The following INSL6 variants were observed in gnomAD, a reference collection of about 807,000 sequenced individuals.
INSL6 encodes insulin-like peptide INSL6.
A neutral mutation model predicts 9.4 loss-of-function variants in INSL6; 16 were observed. The observed-to-expected ratio is 1.70, with a 90% confidence interval of 1.15 to 2.59. The LOEUF (loss-of-function observed/expected upper bound fraction) is 2.59, where lower values mean the gene tolerates loss of function less well. Ranked by LOEUF, INSL6 falls within the 30% of genes most tolerant of loss-of-function variation. The pLI is 0.00. For synonymous variants in INSL6, 154 were observed against 96.9 expected (o/e 1.59, Z -3.46); for missense variants, 391 against 257.3 (o/e 1.52, Z -3.56).
At chr9:5,169,889 A>T (rs1825139903) in intron 1 of INSL6, among the ~76,000 whole-genome samples, 1 of 152,222 alleles carries the variant, frequency 6.6e-6, no homozygotes, top group Non-Finnish European at 1.5e-5. Flanking sequence ...ACCTACGAAG[A>T]GACTTAAGAC....
chr9:5,036,096 CAG>C, the INSL6 span, among the ~76,000 whole-genome samples: 1 of 152,172 alleles, frequency 6.6e-6, no homozygotes, highest in Non-Finnish European at 1.5e-5. Flanking sequence ...AACAGACAAA[CAG>C]AGAGCCAAAT....
the INSL6 span, among the ~76,000 whole-genome samples, chr9:5,021,500 C>T: frequency 6.6e-6 from 1 of 152,156 alleles, no homozygotes; most frequent in South Asian, 2.1e-4. Context: ...TTGCATTGTG[C>T]TTTGTATGTA....
chr9:5,066,592 T>C, the INSL6 span: 2 of 761,850 alleles, frequency 2.6e-6, no homozygotes, highest in Admixed American at 2.1e-5. Context: ...AGTTTTAGAT[T>C]TGACTTTTGA....
the INSL6 span, among the ~76,000 whole-genome samples, chr9:5,055,325 T>C: frequency 6.6e-6 from 1 of 152,038 alleles, no homozygotes; most frequent in Non-Finnish European, 1.5e-5. Flanking sequence ...TGTTCATAGA[T>C]TGTTACTAGA....
the INSL6 span, among the ~76,000 whole-genome samples, chr9:5,040,654 C>G: frequency 6.6e-6 from 1 of 152,254 alleles, no homozygotes; most frequent in African/African-American, 2.4e-5. Context: ...AGGCAAGGGA[C>G]TTGGATAGAC....
the INSL6 span, among the ~76,000 whole-genome samples, chr9:5,083,767 A>T: frequency 8.3e-6 from 1 of 120,404 alleles, no homozygotes; most frequent in East Asian, 2.2e-4. Context: ...ACTAAATTAT[A>T]AAGTTATCTT....
chr9:5,085,380 TG>T, the INSL6 span: 4 of 900,608 alleles, frequency 4.4e-6, no homozygotes, highest in Non-Finnish European at 7.4e-6. Flanking sequence ...CATGCACCAC[TG>T]GGTCGGGGCA....
chr9:5,008,923 C>A, the INSL6 span, among the ~76,000 whole-genome samples: 1 of 152,160 alleles, frequency 6.6e-6, no homozygotes, highest in Admixed American at 6.5e-5. Context: ...CTGTCTGTCT[C>A]TTTCTCTTTC....
the INSL6 span, among the ~76,000 whole-genome samples, chr9:4,996,863 AAC>A: frequency 6.6e-6 from 1 of 151,864 alleles, no homozygotes; most frequent in African/African-American, 2.4e-5. Flanking sequence ...CAGTAAAAGT[AAC>A]ACTGTATTAG....
chr9:5,116,103 G>C, the INSL6 span, among the ~76,000 whole-genome samples: 1 of 151,560 alleles, frequency 6.6e-6, no homozygotes, highest in Non-Finnish European at 1.5e-5. Context: ...GGCTTACATT[G>C]GGCTAAATGC....
At chr9:5,105,565 T>C in the INSL6 span, among the ~76,000 whole-genome samples, 1 of 152,156 alleles carries the variant, frequency 6.6e-6, no homozygotes, top group African/African-American at 2.4e-5. Flanking sequence ...AAACAACTAC[T>C]TTCAAGTTCA....
At chr9:5,086,008 A>G in the INSL6 span, 1 of 821,908 alleles carries the variant, frequency 1.2e-6, no homozygotes, top group Non-Finnish European at 2.2e-6. Flanking sequence ...TGAAACTGTG[A>G]TATACTATAT....
At chr9:5,177,572 G>A (rs28802053) in intron 1 of INSL6, among the ~76,000 whole-genome samples, 1 of 152,216 alleles carries the variant, frequency 6.6e-6, no homozygotes, top group Non-Finnish European at 1.5e-5. Context: ...AGATATGACA[G>A]TGCATATCCC....
chr9:5,041,113 G>A, the INSL6 span: 2 of 826,060 alleles, frequency 2.4e-6, no homozygotes, highest in East Asian at 2.6e-5. Context: ...CGACCTTCAC[G>A]CCCAAGACGG....
intron 2 of INSL6, among the ~76,000 whole-genome samples, chr9:5,144,031 T>C (rs1824552894): frequency 6.6e-6 from 1 of 152,220 alleles, no homozygotes; most frequent in Non-Finnish European, 1.5e-5. Flanking sequence ...GGTTATTTCT[T>C]GTCTTCTGCT....
At chr9:4,996,280 C>G in the INSL6 span, among the ~76,000 whole-genome samples, 1 of 152,126 alleles carries the variant, frequency 6.6e-6, no homozygotes, top group African/African-American at 2.4e-5. Context: ...GAAACCCTGT[C>G]TCTACTAAAT....
chr9:5,168,738 T>A (rs1199751781), intron 1 of INSL6, among the ~76,000 whole-genome samples: 1 of 152,060 alleles, frequency 6.6e-6, no homozygotes, highest in Non-Finnish European at 1.5e-5. Flanking sequence ...AGAACCCCAA[T>A]AAGATACTTC....
the INSL6 span, among the ~76,000 whole-genome samples, chr9:5,059,221 C>T: frequency 6.6e-6 from 1 of 152,304 alleles, no homozygotes; most frequent in East Asian, 1.9e-4. Flanking sequence ...CATGCATCTT[C>T]CCACATATTC....
At chr9:5,102,349 TA>T in the INSL6 span, among the ~76,000 whole-genome samples, 1 of 151,676 alleles carries the variant, frequency 6.6e-6, no homozygotes, top group Non-Finnish European at 1.5e-5. Flanking sequence ...GAAAAAAGAG[TA>T]AAAAGCAACA....
Sources: gnomAD v4.1 joint callset for allele counts (sites outside exome capture counted in the v4.1 genomes callset) on GRCh38, gnomAD v4.1.1 for gene constraint, MANE v1.5 for transcripts, NCBI Gene and HGNC (gene_info 2026-07-23, HGNC 2026-07-21) for gene names.